Variants in NBPF3 observed in about 807,000 individuals in gnomAD.
NBPF3 encodes the protein NBPF family member NBPF3.
In NBPF3, 57 loss-of-function variants were observed where a neutral mutation model predicts 78.1. The ratio of observed to expected loss-of-function variants is 0.73; its 90% confidence interval spans 0.59 to 0.91. The LOEUF (loss-of-function observed/expected upper bound fraction) is 0.91, where lower values mean the gene tolerates loss of function less well. Ranked by LOEUF, NBPF3 falls within the 40% of genes least tolerant of loss-of-function variation. The pLI, the probability that NBPF3 is intolerant of heterozygous loss-of-function variation, is 0.00. For synonymous variants in NBPF3, 182 were observed against 271.7 expected (o/e 0.67, Z 3.25); for missense variants, 510 against 715.3 (o/e 0.71, Z 3.27).
intron 2 of NBPF3, among the ~76,000 whole-genome samples, chr1:21,447,448 C>T (rs902167996): frequency 1.3e-5 from 2 of 152,222 alleles, no homozygotes; most frequent in Non-Finnish European, 2.9e-5. Context: ...GACAACCACT[C>T]ATCATTTTAC....
chr1:21,439,103 G>A (rs1640495950), upstream of NBPF3, among the ~76,000 whole-genome samples: 1 of 152,104 alleles, frequency 6.6e-6, no homozygotes, highest in African/African-American at 2.4e-5. Context: ...GACTTGGCAC[G>A]TGGCTGGCAC....
At position 21,460,147 on chromosome 1, in the gene NBPF3, G is replaced by T. The variant is rs1285139770; in HGVS notation, c.134-8541G>T. 1 of 22,038 alleles carries T rather than the reference G, an allele frequency of 4.5e-5. No individual in the cohort carries two copies. Among genetic ancestry groups the T allele is most frequent in the African/African-American group, 7.5e-5 (1 of 13,394 alleles). 1.4% of individuals were successfully genotyped at this position (22,038 alleles called of 1,614,324 possible). On this transcript the variant is annotated intron_variant, in intron 2 of 14. Coordinates refer to ENST00000318249, the MANE Select transcript of NBPF3 (RefSeq NM_032264.6). The surrounding 1 kb of genome is among the most constrained non-coding windows in gnomAD (Gnocchi z 4.2). ...GGGGCCGCCTGGGCTGGCGGGCAGG[G>T]GAGGCGGAGAGCTGCGTGCAGGCAC... is the stretch of plus-strand genomic sequence containing the variant.
At chr1:21,444,152 A>C (rs1569911850) in intron 1 of NBPF3, among the ~76,000 whole-genome samples, 1 of 152,226 alleles carries the variant, frequency 6.6e-6, no homozygotes, top group East Asian at 1.9e-4. Context: ...TTCTTAAAAG[A>C]ATGAATGAAT....
chr1:21,458,364 G>A (rs1018900640), intron 2 of NBPF3, among the ~76,000 whole-genome samples: 2 of 131,224 alleles, frequency 1.5e-5, no homozygotes, highest in African/African-American at 2.6e-5. Context: ...AAGGGCATGG[G>A]CTTTTTTTTT....
At chr1:21,437,586 A>C, upstream of NBPF3, 3 of 770,742 alleles carry the variant, frequency 3.9e-6, no homozygotes, top group Non-Finnish European at 5.8e-6. Flanking sequence ...GCGTTTGGGC[A>C]TAACACCAGT....
At chr1:21,475,204 A>T (rs1158966204) in intron 8 of NBPF3, among the ~76,000 whole-genome samples, 1 of 144,846 alleles carries the variant, frequency 6.9e-6, no homozygotes, top group Non-Finnish European at 1.5e-5. Flanking sequence ...GATCTTTTCA[A>T]AAAACCAGCT....
In NBPF3 at chr1:21,473,287, T is replaced by C; in HGVS notation, c.735-93T>C. Reference sequence around the variant, plus strand: ...CTGTTTGCTTTCTTGGACCACTCTCTTAATGCCTCCTGTCGAAACCAGCTA... The same window carrying C: ...CTGTTTGCTTTCTTGGACCACTCTCCTAATGCCTCCTGTCGAAACCAGCTA... On this transcript the variant is annotated intron_variant, in intron 6 of 14. Transcript: ENST00000318249. 3.5e-6 allele frequency: 5 copies of C among 1,441,470 alleles called. No individual in the cohort carries two copies. The South Asian group carries it at 5.7e-5, about 16-fold the overall frequency. 89.3% of individuals were successfully genotyped at this position (1,441,470 alleles called of 1,614,324 possible). A position where few individuals can be genotyped will look rare whatever the true frequency, so the allele number is the denominator to read the frequency against.
chr1:21,444,577 C>T (rs1330690936), intron 1 of NBPF3, among the ~76,000 whole-genome samples: 1 of 151,952 alleles, frequency 6.6e-6, no homozygotes, highest in Non-Finnish European at 1.5e-5. Context: ...TTTTTTTTCC[C>T]GCCGGGCTGG....
chr1:21,477,428 T>G (rs1199695396), intron 8 of NBPF3, among the ~76,000 whole-genome samples: 4 of 152,250 alleles, frequency 2.6e-5, no homozygotes, highest in Non-Finnish European at 4.4e-5. Flanking sequence ...ACCTTTGGTC[T>G]TTGATGCTGG....
chr1:21,478,460 G>A (rs1176148864), intron 9 of NBPF3, among the ~76,000 whole-genome samples, 153 bp downstream of exon 9: 1 of 152,198 alleles, frequency 6.6e-6, no homozygotes, highest in Non-Finnish European at 1.5e-5. Context: ...CTCTGGAATC[G>A]AGTCTGAAGC....
At chr1:21,454,470 T>C (rs1168438605) in intron 2 of NBPF3, among the ~76,000 whole-genome samples, 5 of 152,138 alleles carry the variant, frequency 3.3e-5, no homozygotes, top group African/African-American at 1.2e-4. Context: ...TTCAATGTTG[T>C]CACAAGTGTA....
Position 21,447,401 on chromosome 1 carries a change from C to T in NBPF3, c.133+2182C>T, listed in dbSNP as rs115676570. 8.5e-3 allele frequency among the ~76,000 whole-genome samples: 1,298 copies of T among 152,298 alleles called. 8 individuals are homozygous for T. Among genetic ancestry groups the T allele is most frequent in the Non-Finnish European group, 0.014 (922 of 68,020 alleles). On this transcript the variant is annotated intron_variant, in intron 2 of 14. Transcript: ENST00000318249. The stretch of plus-strand genomic sequence containing the variant: ...GTTTCACTGCTGAAAATTCCCTGTG[C>T]GTCACCATTTCATGCGTCCTCCTCT...
chr1:21,438,237 C>T (rs935321786), upstream of NBPF3, among the ~76,000 whole-genome samples: 3 of 152,080 alleles, frequency 2.0e-5, no homozygotes, highest in South Asian at 4.1e-4. Context: ...CTCAGCCTCC[C>T]GAGTAGCTGG....
At position 21,470,702 on chromosome 1, in the gene NBPF3, T is replaced by G; in HGVS notation, c.414T>G (p.Leu138=). The G allele has an allele frequency of 6.2e-7, 1 of 1,600,588 alleles. No individual in the cohort carries two copies. The highest frequency in any genetic ancestry group is 8.5e-7 in the Non-Finnish European group (1 of 1,171,264). ...AGCGGCTGCTCACAGAAGAGAAGCT[T>G]GCAGAGGAGCTCGGGCAAGCTGAGG... is the stretch of plus-strand genomic sequence containing the variant. ...RDERLLTEEK[L]AEELGQAEEL... Residue 138 remains leucine (L), a synonymous_variant, in exon 4 of 15, where the codon CTT becomes CTG. Coordinates refer to ENST00000318249, the MANE Select transcript of NBPF3 (RefSeq NM_032264.6).
rs544761300 is a variant in NBPF3 at position 21,445,281 on chromosome 1, C to A, written c.133+62C>A. On this transcript the variant is annotated intron_variant, in intron 2 of 14. Coordinates refer to ENST00000318249, the MANE Select transcript of NBPF3 (RefSeq NM_032264.6). Reference sequence around the variant, plus strand: ...AGAGAGTCCTCTTTCTATTATAACTCAGATGTGAAGGGAAGATGTCAAGGT... The same window carrying A: ...AGAGAGTCCTCTTTCTATTATAACTAAGATGTGAAGGGAAGATGTCAAGGT... 100 of 1,564,720 alleles carry A rather than the reference C, an allele frequency of 6.4e-5. No homozygotes were observed. The East Asian group carries it at 2.0e-3, about 31-fold the overall frequency.
At chr1:21,459,325 A>G (rs1285814192) in intron 2 of NBPF3, among the ~76,000 whole-genome samples, 1 of 152,270 alleles carries the variant, frequency 6.6e-6, no homozygotes, top group Admixed American at 6.5e-5. Flanking sequence ...TAAAAGCTAC[A>G]GTAATTTAAA....
At chr1:21,461,238 A>C (rs4654939) in intron 2 of NBPF3, among the ~76,000 whole-genome samples, 101,332 of 151,338 alleles carry the variant, frequency 0.67, 35,135 homozygotes, top group South Asian at 0.87. Flanking sequence ...CAGTATGTCC[A>C]TTCACAGAAA....
intron 2 of NBPF3, chr1:21,468,395 G>A: frequency 6.1e-6 from 8 of 1,310,924 alleles, no homozygotes; most frequent in Non-Finnish European, 7.8e-6. Flanking sequence ...GGGCTCCTAA[G>A]ATTCCATGAC....
chr1:21,465,977 G>A (rs1038928781), intron 2 of NBPF3: 9 of 277,954 alleles, frequency 3.2e-5, no homozygotes, highest in African/African-American at 4.6e-5. Context: ...TTCAGTTTTA[G>A]GACACCACTG....
Sources: gnomAD v4.1 joint callset for allele counts (sites outside exome capture counted in the v4.1 genomes callset) on GRCh38, gnomAD v4.1.1 for gene constraint, Gnocchi (gnomAD v3.1) non-coding constraint, MANE v1.5 for transcripts, NCBI Gene and HGNC (gene_info 2026-07-23, HGNC 2026-07-21) for gene names.